EFCAB3: variants seen among roughly 807,000 people sequenced by gnomAD.
The protein encoded by EFCAB3 is EF-hand calcium-binding domain-containing protein 3.
EFCAB3 carries 36 observed loss-of-function variants against 42.2 expected under a neutral mutation model. The observed-to-expected ratio is 0.85, with a 90% CI of 0.65 to 1.13. EFCAB3 has a LOEUF of 1.13. EFCAB3 is among the 50% of genes most tolerant of loss of function. EFCAB3 has a pLI of 0.00. For synonymous variants in EFCAB3, 170 were observed against 172.8 expected, an observed-to-expected ratio of 0.98 and a Z score of 0.13; for missense variants, 418 against 505.1, an observed-to-expected ratio of 0.83 and a Z score of 1.65.
At chr17:62,400,964 T>C (rs1467500350) in intron 6 of EFCAB3, among the ~76,000 whole-genome samples, 1 of 152,230 alleles carries the variant, frequency 6.6e-6, no homozygotes, top group East Asian at 1.9e-4. Context: ...TTAATGACTT[T>C]TTAATGATTG....
chr17:62,380,611 T>C lies in EFCAB3; in HGVS notation c.-20T>C, dbSNP rs1228890837. The C allele has an allele frequency of 1.0e-6, 1 of 984,918 alleles. No homozygotes were observed. The highest frequency in any genetic ancestry group is 6.2e-5 in the Admixed American group (1 of 16,250). 61.0% of individuals were successfully genotyped at this position (984,918 alleles called of 1,614,324 possible). A position where few individuals can be genotyped will look rare whatever the true frequency, so the allele number is the denominator to read the frequency against. The stretch of plus-strand genomic sequence containing the variant: ...AGTGGTAGGTAGCACGGCTTAAAAG[T>C]AGGTAAATATCGTGATTTTGTAGGA... On this transcript the variant is annotated splice_region_variant and 5_prime_UTR_variant, in exon 1 of 10. Coordinates refer to ENST00000305286, the MANE Select transcript of EFCAB3 (RefSeq NM_173503.4).
intron 6 of EFCAB3, among the ~76,000 whole-genome samples, chr17:62,400,455 A>G (rs2144095733): frequency 6.6e-6 from 1 of 152,036 alleles, no homozygotes; most frequent in Non-Finnish European, 1.5e-5. Context: ...TTCAATTCCC[A>G]CCTATGAGTG....
intron 6 of EFCAB3, chr17:62,397,523 G>T: frequency 1.8e-6 from 1 of 566,778 alleles, no homozygotes; most frequent in Non-Finnish European, 3.5e-6. Flanking sequence ...CCCTTTTGAG[G>T]GTTGCATGAG....
intron 4 of EFCAB3, among the ~76,000 whole-genome samples, 175 bp from the exon 5 acceptor site, chr17:62,393,398 A>T (rs1390871045): frequency 6.6e-6 from 1 of 152,166 alleles, no homozygotes; most frequent in Non-Finnish European, 1.5e-5. Context: ...GACTGATGTA[A>T]TGGTGCTAAG....
At position 62,391,811 on chromosome 17, in the gene EFCAB3, T is replaced by C; in HGVS notation, c.152-11T>C. 1 of 1,613,004 alleles carries C rather than the reference T, an allele frequency of 6.2e-7. No individual in the cohort carries two copies. Among genetic ancestry groups the C allele is most frequent in the Non-Finnish European group, 8.5e-7 (1 of 1,179,354 alleles). ...ACAACTGTCCTGAATAACTTAATCC[T>C]ATCTCCCCAGCTTTCCAAGATGCCT... On this transcript the variant is annotated splice_polypyrimidine_tract_variant and intron_variant, in intron 3 of 9. Coordinates refer to ENST00000305286, the MANE Select transcript of EFCAB3 (RefSeq NM_173503.4).
intron 6 of EFCAB3, chr17:62,398,094 C>T: frequency 6.3e-6 from 2 of 315,142 alleles, no homozygotes; most frequent in Non-Finnish European, 6.1e-6. Context: ...TGCCCAATGT[C>T]TCTCTTTTGG....
chr17:62,393,628 C>G lies in EFCAB3; in HGVS notation c.351C>G (p.Leu117=). The part of the protein sequence containing the change: ...DFIKVLTDKN[L]FLKAVVPEKE... The stretch of plus-strand genomic sequence containing the variant: ...TCAAGGTTCTAACAGATAAGAATCT[C>G]TTCCTCAAGGCAGTGGGTGAGTAGA... Residue 117 remains leucine, a synonymous_variant, in exon 5 of 10, where the codon CTC becomes CTG. Transcript: ENST00000305286. 1 of 1,614,042 alleles carries G rather than the reference C, an allele frequency of 6.2e-7. No individual in the cohort carries two copies. The highest frequency in any genetic ancestry group is 8.5e-7 in the Non-Finnish European group (1 of 1,179,968).
Position 62,387,235 on chromosome 17 carries a change from T to C in EFCAB3, c.75-105T>C, listed in dbSNP as rs112544490. On this transcript the variant is annotated intron_variant, in intron 2 of 9. Coordinates refer to ENST00000305286, the MANE Select transcript of EFCAB3 (RefSeq NM_173503.4). ...CCCTTAGGATAGTAGACTGGATACA[T>C]TGAGATGCTACAGTCATTCCAGTAA... The C allele has an allele frequency of 0.012, 9,558 of 773,836 alleles. 573 individuals carry two copies. In the African/African-American group the frequency reaches 0.14, roughly 11 times the overall value. The allele number at this position is 773,836 out of a possible 1,614,324, so 47.9% of individuals were successfully genotyped here.
chr17:62,399,462 G>A (rs1322416272), intron 6 of EFCAB3, among the ~76,000 whole-genome samples: 2 of 149,406 alleles, frequency 1.3e-5, no homozygotes, highest in Non-Finnish European at 2.9e-5. Context: ...GCCACCGCCT[G>A]GCCCCAAGCC....
intron 1 of EFCAB3, chr17:62,370,470 C>A: frequency 1.4e-6 from 1 of 727,544 alleles, no homozygotes; most frequent in Non-Finnish European, 2.3e-6. Context: ...GCCTGATCAG[C>A]ACAGTGGAAC....
chr17:62,370,667 A>C (rs542775371), intron 1 of EFCAB3, among the ~76,000 whole-genome samples: 2 of 151,438 alleles, frequency 1.3e-5, no homozygotes, highest in South Asian at 4.4e-4. Flanking sequence ...AAAAAAAAAA[A>C]AGAAGAAGTG....
upstream of EFCAB3, among the ~76,000 whole-genome samples, chr17:62,380,095 A>G (rs1246092334): frequency 1.3e-5 from 2 of 152,166 alleles, no homozygotes; most frequent in Non-Finnish European, 2.9e-5. Context: ...TCTGCCTCCC[A>G]AGTTCAAGCA....
chr17:62,395,147 G>A lies in EFCAB3; in HGVS notation c.447G>A (p.Glu149=), dbSNP rs2070338137. ...LLFEILSRLL[E]TSALPRKSII... ...TTGAAATCCTATCAAGGCTTCTAGA[G>A]ACTTCAGCCCTACCCAGAAAGTCTA... is the stretch of plus-strand genomic sequence containing the variant. Residue 149 remains glutamate (E), a synonymous_variant, in exon 6 of 10, where the codon GAG becomes GAA. Transcript: ENST00000305286. 6.2e-7 allele frequency: 1 copy of A among 1,614,062 alleles called. No individual in the cohort carries two copies. The highest frequency in any genetic ancestry group is 8.5e-7 in the Non-Finnish European group (1 of 1,180,022).
Position 62,391,916 on chromosome 17 carries a change from T to A in EFCAB3, c.246T>A (p.Asn82Lys). The change falls in exon 4 of 10, where the codon AAT becomes AAA. Residue 82 changes from asparagine (N) to lysine (K), a missense_variant. Physicochemically the swap from Asn to Lys is moderately conservative, Grantham distance 94. Transcript: ENST00000305286. ...GCACTGTAGCTAAGCTGGGAATGAA[T>A]CTGACCAAGCATGATGTCTATAATG... ...LMCTVAKLGM[N>K]LTKHDVYNEL... 1 of 1,613,606 alleles carries A rather than the reference T, an allele frequency of 6.2e-7. No individual in the cohort carries two copies. Among genetic ancestry groups the A allele is most frequent in the Non-Finnish European group, 8.5e-7 (1 of 1,179,672 alleles).
intron 6 of EFCAB3, among the ~76,000 whole-genome samples, chr17:62,401,820 G>C (rs1423696499): frequency 6.6e-6 from 1 of 152,126 alleles, no homozygotes; most frequent in African/African-American, 2.4e-5. Flanking sequence ...TTCCAATTCT[G>C]TAAAGAAAGT....
intron 4 of EFCAB3, 80 bp downstream of exon 4, chr17:62,392,045 C>T: frequency 5.1e-6 from 7 of 1,361,060 alleles, no homozygotes; most frequent in Non-Finnish European, 6.8e-6. Flanking sequence ...ACTGTATAAA[C>T]ATGAGAAACA....
intron 7 of EFCAB3, 24 bp downstream of exon 7, chr17:62,406,697 T>C: frequency 3.7e-6 from 6 of 1,611,516 alleles, no homozygotes; most frequent in Non-Finnish European, 4.2e-6. Flanking sequence ...GTTCTCTCTC[T>C]ACTGTTGTAA....
At chr17:62,407,256 T>G in intron 8 of EFCAB3, 44 bp downstream of exon 8, 1 of 1,461,368 alleles carries the variant, frequency 6.8e-7, no homozygotes, top group East Asian at 2.4e-5. Context: ...CTTGGATTTT[T>G]AAGCACTAAC....
At chr17:62,399,796 A>G (rs1207950131) in intron 6 of EFCAB3, among the ~76,000 whole-genome samples, 4 of 151,988 alleles carry the variant, frequency 2.6e-5, no homozygotes, top group Non-Finnish European at 5.9e-5. Flanking sequence ...TCTCTGCTTT[A>G]TTTTTCTTCA....
Sources: gnomAD v4.1 joint callset for allele counts (sites outside exome capture counted in the v4.1 genomes callset) on GRCh38, gnomAD v4.1.1 for gene constraint, MANE v1.5 for transcripts, NCBI Gene and HGNC (gene_info 2026-07-23, HGNC 2026-07-21) for gene names.